Variants in CNTN4 observed in about 807,000 individuals in gnomAD.
The protein encoded by CNTN4 is contactin-4.
A neutral mutation model predicts 122.5 loss-of-function variants in CNTN4; 77 were observed. That is an observed-to-expected ratio of 0.63 (90% CI 0.52 to 0.76). The LOEUF (loss-of-function observed/expected upper bound fraction) is 0.76, where lower values mean the gene tolerates loss of function less well. CNTN4 is among the 30% of genes least tolerant of loss of function. CNTN4 has a pLI of 0.00. For missense variants in CNTN4, 1,256 were observed against 1,259.1 expected, an observed-to-expected ratio of 1.00 and a Z score of 0.04; for synonymous variants, 512 against 447.0, an observed-to-expected ratio of 1.15 and a Z score of -1.83.
At chr3:2,728,052 G>C (rs1396234655) in intron 4 of CNTN4, among the ~76,000 whole-genome samples, 1 of 152,152 alleles carries the variant, frequency 6.6e-6, no homozygotes, top group Non-Finnish European at 1.5e-5. Flanking sequence ...AGGCACTTGG[G>C]TAAGGCCTTT....
intron 2 of CNTN4, among the ~76,000 whole-genome samples, chr3:2,319,508 C>CTCCTCT (rs910690173): frequency 7.2e-5 from 11 of 152,130 alleles, no homozygotes; most frequent in Admixed American, 1.3e-4. Flanking sequence ...GAACTAATCC[C>CTCCTCT]TCCTCTTCCT....
intron 5 of CNTN4, among the ~76,000 whole-genome samples, chr3:2,741,583 T>C (rs2089460041): frequency 6.6e-6 from 1 of 152,210 alleles, no homozygotes; most frequent in East Asian, 1.9e-4. Context: ...TTACTCTCCC[T>C]AGAATATATT....
At chr3:2,678,293 C>A (rs1159826624) in intron 4 of CNTN4, among the ~76,000 whole-genome samples, 1 of 152,106 alleles carries the variant, frequency 6.6e-6, no homozygotes, top group Non-Finnish European at 1.5e-5. Flanking sequence ...AATTCTTTTT[C>A]AGCCCTGTCG....
intron 3 of CNTN4, among the ~76,000 whole-genome samples, chr3:2,473,975 C>G (rs1220874125): frequency 6.6e-6 from 1 of 151,664 alleles, no homozygotes; most frequent in Non-Finnish European, 1.5e-5. Flanking sequence ...GATCACGCCA[C>G]TGCACTCCAG....
chr3:2,296,559 C>A (rs574025477), intron 2 of CNTN4, among the ~76,000 whole-genome samples: 1 of 151,890 alleles, frequency 6.6e-6, no homozygotes, highest in Non-Finnish European at 1.5e-5. Context: ...CTGGAGGAGA[C>A]CAAGCTTAAA....
intron 7 of CNTN4, among the ~76,000 whole-genome samples, chr3:2,821,929 C>G (rs1215171447): frequency 6.6e-6 from 1 of 152,138 alleles, no homozygotes; most frequent in Non-Finnish European, 1.5e-5. Context: ...GTCCTCTGTT[C>G]AAAAGTTGTA....
chr3:2,151,126 T>C (rs1248662282), intron 2 of CNTN4, among the ~76,000 whole-genome samples: 2 of 152,206 alleles, frequency 1.3e-5, no homozygotes, highest in Non-Finnish European at 2.9e-5. Flanking sequence ...GGTTTTGCCA[T>C]GTTGGCCGGG....
intron 2 of CNTN4, among the ~76,000 whole-genome samples, chr3:2,117,207 T>A (rs1301206936): frequency 6.6e-6 from 1 of 152,176 alleles, no homozygotes; most frequent in Non-Finnish European, 1.5e-5. Context: ...CGCAACCTCC[T>A]CCTTGGGTTC....
rs146462918 is a variant in CNTN4, at chr3:2,833,968, C to T, written c.454+14387C>T. Among the ~76,000 whole-genome samples the T allele has an allele frequency of 3.6e-3, 550 of 151,902 alleles. 3 individuals carry two copies. The highest frequency in any genetic ancestry group is 0.012 in the African/African-American group (517 of 41,412). On this transcript the variant is annotated intron_variant, in intron 7 of 24. Coordinates refer to ENST00000418658, the MANE Select transcript of CNTN4 (RefSeq NM_175607.3). ...CATCCTGGCTAACACGGTGAAACCC[C>T]GTCTTACTAAAAAGAAAAATACAAA...
At chr3:2,907,939 A>C (rs952653953) in intron 12 of CNTN4, among the ~76,000 whole-genome samples, 2 of 152,222 alleles carry the variant, frequency 1.3e-5, no homozygotes, top group Non-Finnish European at 2.9e-5. Context: ...TTATGAGTAC[A>C]TCAAATGGAA....
intron 8 of CNTN4, among the ~76,000 whole-genome samples, chr3:2,872,036 T>C (rs2093790984): frequency 6.6e-6 from 1 of 152,192 alleles, no homozygotes; most frequent in Non-Finnish European, 1.5e-5. Context: ...TTATTATTAG[T>C]ACAGGTACTA....
intron 3 of CNTN4, among the ~76,000 whole-genome samples, chr3:2,559,714 T>G (rs2078868704): frequency 1.3e-5 from 2 of 152,288 alleles, no homozygotes; most frequent in African/African-American, 4.8e-5. Context: ...GGAAAATGAT[T>G]TTATACCAAA....
chr3:2,499,574 A>G (rs2076542223), intron 3 of CNTN4, among the ~76,000 whole-genome samples: 1 of 152,098 alleles, frequency 6.6e-6, no homozygotes, highest in African/African-American at 2.4e-5. Flanking sequence ...TGGGTTCCCT[A>G]CTTGTATTCA....
intron 4 of CNTN4, chr3:2,735,974 A>T: frequency 1.6e-6 from 1 of 625,894 alleles, no homozygotes. Flanking sequence ...CTGCGCCTGG[A>T]AGTTGTTAGT....
chr3:2,724,976 T>G (rs887643151), intron 4 of CNTN4, among the ~76,000 whole-genome samples: 5 of 152,232 alleles, frequency 3.3e-5, no homozygotes, highest in Non-Finnish European at 7.3e-5. Context: ...TGGACAACTC[T>G]GGATTATAGT....
At chr3:2,430,180 T>C (rs542020915) in intron 3 of CNTN4, among the ~76,000 whole-genome samples, 177 of 152,018 alleles carry the variant, frequency 1.2e-3, no homozygotes, top group Non-Finnish European at 2.2e-3. Context: ...TCCCAGCACT[T>C]TGGGAGGCCG....
chr3:2,372,555 A>C (rs1337704030), intron 3 of CNTN4, among the ~76,000 whole-genome samples: 1 of 152,200 alleles, frequency 6.6e-6, no homozygotes, highest in Non-Finnish European at 1.5e-5. Flanking sequence ...ATGTCCTCTG[A>C]AAAATGTGAG....
intron 4 of CNTN4, among the ~76,000 whole-genome samples, chr3:2,713,004 C>A (rs1231243095): frequency 6.6e-6 from 1 of 152,166 alleles, no homozygotes; most frequent in Non-Finnish European, 1.5e-5. Context: ...TTATGATAAC[C>A]AGCAAACATT....
chr3:2,485,747 G>C (rs2076140053), intron 3 of CNTN4, among the ~76,000 whole-genome samples: 1 of 152,124 alleles, frequency 6.6e-6, no homozygotes. Flanking sequence ...GTTTGTAAAT[G>C]CACCAATCAG....
Sources: gnomAD v4.1 joint callset for allele counts (sites outside exome capture counted in the v4.1 genomes callset) on GRCh38, gnomAD v4.1.1 for gene constraint, MANE v1.5 for transcripts, NCBI Gene and HGNC (gene_info 2026-07-23, HGNC 2026-07-21) for gene names.